Variants in NOSTRIN observed in about 807,000 individuals in gnomAD.
The protein encoded by NOSTRIN is BM247 homolog.
A neutral mutation model predicts 59.0 loss-of-function variants in NOSTRIN; 63 were observed. That is an observed-to-expected ratio of 1.07 (90% CI 0.87 to 1.32). The LOEUF (loss-of-function observed/expected upper bound fraction) is 1.32. NOSTRIN is among the 40% of genes most tolerant of loss of function. NOSTRIN has a pLI of 0.00. For missense variants in NOSTRIN, 512 were observed against 473.1 expected (o/e 1.08, Z -0.76); for synonymous variants, 200 against 165.4 (o/e 1.21, Z -1.61).
At chr2:168,798,631 G>A (rs192863732), upstream of NOSTRIN, among the ~76,000 whole-genome samples, 2 of 152,324 alleles carry the variant, frequency 1.3e-5, no homozygotes, top group Admixed American at 1.3e-4. Flanking sequence ...GGAGAGGTCA[G>A]ACAGTAAATC....
chr2:168,862,806 A>G (rs1254107706), intron 15 of NOSTRIN, among the ~76,000 whole-genome samples: 2 of 152,222 alleles, frequency 1.3e-5, no homozygotes, highest in African/African-American at 4.8e-5. Context: ...GCGCTAATGC[A>G]GAGATCTGGA....
chr2:168,791,299 A>G (rs2105497489), intron 2 of NOSTRIN, among the ~76,000 whole-genome samples: 1 of 152,306 alleles, frequency 6.6e-6, no homozygotes, highest in African/African-American at 2.4e-5. Context: ...AGTTTCATCC[A>G]TGTCCCTATA....
intron 7 of NOSTRIN, among the ~76,000 whole-genome samples, chr2:168,837,115 G>A (rs1311309851): frequency 6.6e-6 from 1 of 151,940 alleles, no homozygotes; most frequent in Admixed American, 6.6e-5. Flanking sequence ...ATTCATGAGG[G>A]TTCCACCCTC....
intron 8 of NOSTRIN, among the ~76,000 whole-genome samples, chr2:168,843,961 G>A (rs1688246548): frequency 6.6e-6 from 1 of 152,162 alleles, no homozygotes; most frequent in Admixed American, 6.5e-5. Flanking sequence ...TATCCATCAA[G>A]AGAAGAATTA....
intron 7 of NOSTRIN, among the ~76,000 whole-genome samples, chr2:168,838,194 A>G (rs1053607085): frequency 4.6e-5 from 7 of 152,064 alleles, no homozygotes; most frequent in African/African-American, 1.7e-4. Flanking sequence ...TCCAACCATC[A>G]CTTTTTTTCT....
intron 1 of NOSTRIN, among the ~76,000 whole-genome samples, chr2:168,811,173 A>G (rs1395492305): frequency 1.3e-5 from 2 of 152,134 alleles, no homozygotes; most frequent in Non-Finnish European, 2.9e-5. Flanking sequence ...AGCCCCAGAA[A>G]TATTATTTTG....
At chr2:168,798,173 T>C (rs1338386814), upstream of NOSTRIN, 1 of 152,182 alleles carries the variant, frequency 6.6e-6, no homozygotes, top group East Asian at 1.9e-4. Flanking sequence ...CCCAGGGATA[T>C]GGAGAGCCAA....
At chr2:168,853,525 C>T (rs1688894512) in intron 10 of NOSTRIN, among the ~76,000 whole-genome samples, 1 of 152,204 alleles carries the variant, frequency 6.6e-6, no homozygotes, top group Admixed American at 6.5e-5. Context: ...ATACCCCATC[C>T]TGAAATTGAC....
chr2:168,859,663 A>G, intron 13 of NOSTRIN, 26 bp downstream of exon 13: 1 of 1,611,550 alleles, frequency 6.2e-7, no homozygotes, highest in Non-Finnish European at 8.5e-7. Flanking sequence ...ACTGGTTGTA[A>G]TTTCTTGATT....
At chr2:168,851,816 T>C (rs1688785206) in intron 10 of NOSTRIN, among the ~76,000 whole-genome samples, 1 of 152,144 alleles carries the variant, frequency 6.6e-6, no homozygotes, top group Admixed American at 6.5e-5. Flanking sequence ...TCTCATAGTT[T>C]ATGTGGGTCA....
At chr2:168,835,949 T>C (rs1687693003) in intron 7 of NOSTRIN, among the ~76,000 whole-genome samples, 1 of 152,204 alleles carries the variant, frequency 6.6e-6, no homozygotes, top group Non-Finnish European at 1.5e-5. Flanking sequence ...TGAAAACCTT[T>C]GAAATAGTCG....
At chr2:168,860,996 G>A in intron 14 of NOSTRIN, 87 bp downstream of exon 14, 1 of 808,786 alleles carries the variant, frequency 1.2e-6, no homozygotes, top group Non-Finnish European at 2.1e-6. Context: ...GAGCCACTTT[G>A]ACCTGTATCT....
upstream of NOSTRIN, among the ~76,000 whole-genome samples, chr2:168,801,901 C>T (rs1685624716): frequency 6.6e-6 from 1 of 152,118 alleles, no homozygotes. Flanking sequence ...CCTCTTGATC[C>T]TGTTGGGGCT....
intron 1 of NOSTRIN, among the ~76,000 whole-genome samples, chr2:168,809,368 G>A (rs1686022246): frequency 6.6e-6 from 1 of 152,090 alleles, no homozygotes; most frequent in South Asian, 2.1e-4. Flanking sequence ...ACATCTCCTT[G>A]GATAGCTTTC....
At chr2:168,802,569 A>G, upstream of NOSTRIN, 1 of 839,522 alleles carries the variant, frequency 1.2e-6, no homozygotes, top group South Asian at 1.4e-5. Flanking sequence ...CCGGAAGTCC[A>G]GGACACACCC....
At chr2:168,805,730 C>T (rs1236670250) in intron 1 of NOSTRIN, among the ~76,000 whole-genome samples, 1 of 152,138 alleles carries the variant, frequency 6.6e-6, no homozygotes, top group Non-Finnish European at 1.5e-5. Context: ...AGGTTGGTAA[C>T]CTGGCTCAGA....
intron 1 of NOSTRIN, chr2:168,787,743 TA>T (rs1559094974): frequency 6.6e-6 from 1 of 152,242 alleles, no homozygotes. Flanking sequence ...GGTTGATTTT[TA>T]CATTTTGAAT....
At chr2:168,864,419 G>A (rs745398413) in intron 15 of NOSTRIN, among the ~76,000 whole-genome samples, 11 of 151,900 alleles carry the variant, frequency 7.2e-5, no homozygotes, top group Non-Finnish European at 1.2e-4. Flanking sequence ...CTGAGTAGCT[G>A]GTATTACAGG....
At chr2:168,808,558 T>A (rs1685981576) in intron 1 of NOSTRIN, among the ~76,000 whole-genome samples, 2 of 152,222 alleles carry the variant, frequency 1.3e-5, no homozygotes, top group Non-Finnish European at 2.9e-5. Context: ...GAGTCTTTGT[T>A]TCTGCTTTGC....
Sources: allele counts gnomAD v4.1 joint callset (sites outside exome capture counted in the v4.1 genomes callset), GRCh38; gene constraint gnomAD v4.1.1; transcripts MANE v1.5; gene names NCBI Gene and HGNC (gene_info 2026-07-23, HGNC 2026-07-21).